Variants in E2F2 observed in about 807,000 individuals in gnomAD.
E2F2 encodes the protein E2F transcription factor 2, also known as transcription factor E2F2.
In E2F2, 22 loss-of-function variants were observed where a neutral mutation model predicts 42.2. That is an observed-to-expected ratio of 0.52 (90% CI 0.37 to 0.74). The LOEUF (loss-of-function observed/expected upper bound fraction) is 0.74. Ranked by LOEUF, E2F2 falls within the 30% of genes least tolerant of loss-of-function variation. E2F2 has a pLI of 0.00. For missense variants in E2F2, 481 were observed against 557.8 expected (o/e 0.86, Z 1.39); for synonymous variants, 248 against 251.6 (o/e 0.99, Z 0.13).
rs1364791715 is a variant in E2F2 at position 23,507,066 on chromosome 1, C to G, written c.*2814G>C. 6.6e-6 allele frequency: 1 copy of G among 152,152 alleles called. No homozygotes were observed. Among genetic ancestry groups the G allele is most frequent in the East Asian group, 1.9e-4 (1 of 5,176 alleles). The allele number at this position is 152,152 out of a possible 1,614,324, so 9.4% of individuals were successfully genotyped here. On this transcript the variant is annotated 3_prime_UTR_variant, in exon 7 of 7. Coordinates refer to ENST00000361729, the MANE Select transcript of E2F2 (RefSeq NM_004091.4). ...AATCTCCAACTCTACTGGATGATTT[C>G]CTGGAGCCCCAAGCTTTAGAAGTCC...
At chr1:23,520,553 G>A (rs1643120515) in intron 4 of E2F2, among the ~76,000 whole-genome samples, 1 of 152,030 alleles carries the variant, frequency 6.6e-6, no homozygotes, top group African/African-American at 2.4e-5. Context: ...AGACCAGCCT[G>A]GGCAACAAAG....
intron 1 of E2F2, among the ~76,000 whole-genome samples, chr1:23,525,291 A>C (rs1221426321): frequency 2.7e-5 from 4 of 149,986 alleles, no homozygotes; most frequent in African/African-American, 9.9e-5. Flanking sequence ...CCCTGTTGCC[A>C]CCCGGGCCCC....
At chr1:23,519,215 C>A in intron 4 of E2F2, 85 bp from the exon 5 acceptor site, 1 of 866,704 alleles carries the variant, frequency 1.2e-6, no homozygotes, top group South Asian at 1.5e-5. Flanking sequence ...CCCACCTCTC[C>A]TAAGCCTCTG....
rs879700126 is a variant in E2F2, at chr1:23,509,788, G to C, written c.*92C>G. On this transcript the variant is annotated 3_prime_UTR_variant, in exon 7 of 7. Coordinates refer to ENST00000361729, the MANE Select transcript of E2F2 (RefSeq NM_004091.4). ...CCCCATGCCCTGAGGGCAGCACCTA[G>C]TGTCCAATGTCCCTGTGCAGGCAGA... 2.8e-6 allele frequency: 4 copies of C among 1,451,808 alleles called. No homozygotes were observed. Among genetic ancestry groups the C allele is most frequent in the African/African-American group, 1.4e-5 (1 of 70,064 alleles). 89.9% of individuals were successfully genotyped at this position (1,451,808 alleles called of 1,614,324 possible).
chr1:23,516,772 C>A (rs894222252), intron 5 of E2F2, among the ~76,000 whole-genome samples: 7 of 142,396 alleles, frequency 4.9e-5, no homozygotes, highest in Non-Finnish European at 9.1e-5. Context: ...CTCTTCCCCC[C>A]ACTCTCAGGT....
rs936485154 is a variant in E2F2, at chr1:23,508,779, C to T, written c.*1101G>A. 1 of 152,014 alleles carries T rather than the reference C, an allele frequency of 6.6e-6. No homozygotes were observed. The highest frequency in any genetic ancestry group is 1.5e-5 in the Non-Finnish European group (1 of 68,060). 9.4% of individuals were successfully genotyped at this position (152,014 alleles called of 1,614,324 possible). The stretch of plus-strand genomic sequence containing the variant: ...GGAGTCCTTAATGAACCATCCCCTT[C>T]AATAACATGGTGAAAAAATTCCTCC... On this transcript the variant is annotated 3_prime_UTR_variant, in exon 7 of 7. Transcript: ENST00000361729.
rs1277506528 is a variant in E2F2, at chr1:23,506,853, C to T, written c.*3027G>A. 2 of 152,322 alleles carry T rather than the reference C, an allele frequency of 1.3e-5. No individual in the cohort carries two copies. The highest frequency in any genetic ancestry group is 2.9e-5 in the Non-Finnish European group (2 of 68,120). 9.4% of individuals were successfully genotyped at this position (152,322 alleles called of 1,614,324 possible). A position where few individuals can be genotyped will look rare whatever the true frequency, so the allele number is the denominator to read the frequency against. On this transcript the variant is annotated 3_prime_UTR_variant, in exon 7 of 7. Transcript: ENST00000361729. The stretch of plus-strand genomic sequence containing the variant: ...CACTGCAGAATGGAGGTTGAGAACA[C>T]TTGGGGAGGGAGAACAAAGTCAGAA...
chr1:23,509,939 C>T lies in E2F2; in HGVS notation c.1255G>A (p.Gly419Ser), dbSNP rs1410024272. 3.1e-6 allele frequency: 5 copies of T among 1,604,668 alleles called. No individual in the cohort carries two copies. The highest frequency in any genetic ancestry group is 4.3e-6 in the Non-Finnish European group (5 of 1,174,876). Residue 419 changes from glycine to serine, a missense_variant, in exon 7 of 7, where the codon GGT becomes AGT. Gly to Ser is a moderately conservative substitution (Grantham distance 56, BLOSUM62 0). Coordinates refer to ENST00000361729, the MANE Select transcript of E2F2 (RefSeq NM_004091.4). The part of the protein sequence containing the change: ...QDDYLWGLEA[G>S]EGISDLFDSY... Reference sequence around the variant, plus strand: ...TCGAAGAGATCGCTGATGCCCTCACCCGCCTCCAAGCCCCACAGGTAGTCG... The same window carrying T: ...TCGAAGAGATCGCTGATGCCCTCACTCGCCTCCAAGCCCCACAGGTAGTCG...
intron 5 of E2F2, among the ~76,000 whole-genome samples, chr1:23,516,943 T>G (rs868526629): frequency 2.0e-5 from 3 of 152,118 alleles, no homozygotes; most frequent in South Asian, 2.1e-4. Context: ...TTTGCTGGAC[T>G]TGTGGGAAAT....
chr1:23,516,002 A>G (rs951258623), intron 6 of E2F2, among the ~76,000 whole-genome samples: 7 of 152,220 alleles, frequency 4.6e-5, no homozygotes, highest in Non-Finnish European at 2.9e-5. Context: ...TAATCTCACA[A>G]CAACCTATGA....
intron 5 of E2F2, among the ~76,000 whole-genome samples, chr1:23,517,093 A>G (rs1196287906): frequency 6.6e-6 from 1 of 152,184 alleles, no homozygotes; most frequent in Non-Finnish European, 1.5e-5. Flanking sequence ...ACCTGAAGTC[A>G]TAGTTTGAGC....
In E2F2 at chr1:23,530,462, A is replaced by G. The variant is rs925580911; in HGVS notation, c.252+80T>C. ...CCCAAAACTCTACCTGCTCCACTCA[A>G]ACTGGATCTCAGGCACCCCTCCCTC... On this transcript the variant is annotated intron_variant, in intron 1 of 6. Coordinates refer to ENST00000361729, the MANE Select transcript of E2F2 (RefSeq NM_004091.4). The surrounding 1 kb of genome is among the most constrained non-coding windows in gnomAD (Gnocchi z 4.4). 1.7e-5 allele frequency: 26 copies of G among 1,554,914 alleles called. No homozygotes were observed. The highest frequency in any genetic ancestry group is 2.2e-5 in the Non-Finnish European group (25 of 1,153,950).
Position 23,530,228 on chromosome 1 carries a change from C to A in E2F2, c.252+314G>T, listed in dbSNP as rs955538569. 6.6e-6 allele frequency among the ~76,000 whole-genome samples: 1 copy of A among 152,204 alleles called. No individual in the cohort carries two copies. Among genetic ancestry groups the A allele is most frequent in the Non-Finnish European group, 1.5e-5 (1 of 68,030 alleles). ...AAACAATGAAGTAATGAATGAATGG[C>A]GGCAACGCTGGCTGCATGGACTTCC... On this transcript the variant is annotated intron_variant, in intron 1 of 6. Transcript: ENST00000361729. This position sits in a 1 kb window ranked among gnomAD's most constrained non-coding sequence, Gnocchi z 4.4.
rs371670414 is a variant in E2F2, at chr1:23,524,104, CA to C, written c.358+278del. ...ACAACAACAACAACAACAACAACAACAAAAAAAAACACAGAAGTAATGCAAG... is the reference window on the plus strand; with the variant it reads ...ACAACAACAACAACAACAACAACAACAAAAAAAACACAGAAGTAATGCAAG... On this transcript the variant is annotated intron_variant, in intron 2 of 6. Coordinates refer to ENST00000361729, the MANE Select transcript of E2F2 (RefSeq NM_004091.4). Among the ~76,000 whole-genome samples the C allele has an allele frequency of 6.0e-5, 8 of 133,208 alleles. No individual in the cohort carries two copies. In the South Asian group the frequency reaches 7.1e-4, roughly 12 times the overall value. 87.4% of individuals were successfully genotyped at this position (133,208 alleles called of 152,430 possible). A position where few individuals can be genotyped will look rare whatever the true frequency, so the allele number is the denominator to read the frequency against.
chr1:23,521,364 C>A (rs1643142831), intron 3 of E2F2, among the ~76,000 whole-genome samples: 1 of 152,184 alleles, frequency 6.6e-6, no homozygotes. Flanking sequence ...TGCCTGGTTT[C>A]TCTTAGGATT....
At chr1:23,520,425 A>AT (rs1643118444) in intron 4 of E2F2, among the ~76,000 whole-genome samples, 1 of 152,064 alleles carries the variant, frequency 6.6e-6, no homozygotes, top group African/African-American at 2.4e-5. Flanking sequence ...TACTTGGCTT[A>AT]TTTTCAATAA....
intron 6 of E2F2, among the ~76,000 whole-genome samples, chr1:23,515,872 T>C (rs998468041): frequency 6.6e-6 from 1 of 152,080 alleles, no homozygotes; most frequent in South Asian, 2.1e-4. Flanking sequence ...GGCTAATTTG[T>C]AAATTTTTTT....
chr1:23,521,396 GCT>G (rs1643143853), intron 3 of E2F2, among the ~76,000 whole-genome samples: 1 of 152,140 alleles, frequency 6.6e-6, no homozygotes, highest in South Asian at 2.1e-4. Flanking sequence ...CTATAGGTCA[GCT>G]CTTTAAACCC....
In E2F2 at chr1:23,530,136, C is replaced by A. The variant is rs111243020; in HGVS notation, c.252+406G>T. On this transcript the variant is annotated intron_variant, in intron 1 of 6. Transcript: ENST00000361729. This position sits in a 1 kb window ranked among gnomAD's most constrained non-coding sequence, Gnocchi z 4.4. ...ACCTATCCCTCTGTCTTACCAAAGT[C>A]CCACAGTGTCCCCAGGCCATACTCT... Among the ~76,000 whole-genome samples, 17 of 152,294 alleles carry A rather than the reference C, an allele frequency of 1.1e-4. No homozygotes were observed. Among genetic ancestry groups the A allele is most frequent in the African/African-American group, 4.1e-4 (17 of 41,558 alleles).
Sources: gnomAD v4.1 joint callset for allele counts (sites outside exome capture counted in the v4.1 genomes callset) on GRCh38, gnomAD v4.1.1 for gene constraint, Gnocchi (gnomAD v3.1) non-coding constraint, MANE v1.5 for transcripts, NCBI Gene and HGNC (gene_info 2026-07-23, HGNC 2026-07-21) for gene names.